The following ESR1 variants were observed in gnomAD, a reference collection of about 807,000 sequenced individuals.
The protein encoded by ESR1 is estrogen receptor 1.
ESR1 carries 12 observed loss-of-function variants against 52.7 expected under a neutral mutation model. That is an observed-to-expected ratio of 0.23 (90% confidence interval 0.15 to 0.37). ESR1 has a LOEUF of 0.37. Among genes scored for constraint, ESR1 ranks in the 10% least tolerant of loss-of-function variants. ESR1 has a pLI of 1.00. For missense variants in ESR1, 584 were observed against 779.7 expected (o/e 0.75, Z 2.99); for synonymous variants, 305 against 316.8 (o/e 0.96, Z 0.39).
chr6:151,677,178 A>C (rs190090876), intron 1 of ESR1, among the ~76,000 whole-genome samples: 1 of 152,170 alleles, frequency 6.6e-6, no homozygotes, highest in Non-Finnish European at 1.5e-5. Flanking sequence ...TAGAACATCA[A>C]ACTAAGACTC....
At chr6:152,050,569 A>G (rs1055523732) in intron 5 of ESR1, among the ~76,000 whole-genome samples, 17 of 152,280 alleles carry the variant, frequency 1.1e-4, no homozygotes, top group African/African-American at 3.1e-4. Context: ...TTTTTAGCCC[A>G]TTTGCCTTGA....
intron 2 of ESR1, among the ~76,000 whole-genome samples, chr6:151,756,804 A>G (rs1273429018): frequency 1.3e-5 from 2 of 152,118 alleles, no homozygotes; most frequent in Admixed American, 1.3e-4. Context: ...AGCCTGGGCA[A>G]CATGGTGAAA....
intron 6 of ESR1, among the ~76,000 whole-genome samples, chr6:152,071,141 A>G (rs1585103338): frequency 1.3e-5 from 2 of 152,340 alleles, no homozygotes; most frequent in South Asian, 4.1e-4. Flanking sequence ...GCAGCGACCC[A>G]GTGCTCATAT....
At chr6:151,756,642 C>T (rs1784310265) in intron 2 of ESR1, among the ~76,000 whole-genome samples, 1 of 152,200 alleles carries the variant, frequency 6.6e-6, no homozygotes, top group East Asian at 1.9e-4. Flanking sequence ...CCGGTAGGTA[C>T]TGTCAATTAT....
intron 2 of ESR1, among the ~76,000 whole-genome samples, chr6:151,792,232 A>G (rs1776232701): frequency 6.6e-6 from 1 of 152,234 alleles, no homozygotes; most frequent in Admixed American, 6.5e-5. Flanking sequence ...GGCACTTGCC[A>G]GAATGGAGCT....
chr6:151,828,925 C>G (rs1781942978), intron 1 of ESR1, among the ~76,000 whole-genome samples: 1 of 152,166 alleles, frequency 6.6e-6, no homozygotes, highest in South Asian at 2.1e-4. Context: ...ATAGGGTGCT[C>G]TTTGACCTCA....
intron 5 of ESR1, among the ~76,000 whole-genome samples, chr6:152,029,255 C>G (rs2044450004): frequency 6.6e-6 from 1 of 152,238 alleles, no homozygotes; most frequent in Admixed American, 6.5e-5. Context: ...CAAAGGAACG[C>G]AGCTCCTCAC....
Position 152,123,921 on chromosome 6 carries a change from G to A in ESR1, c.851-1345G>A, listed in dbSNP as rs184247334. Among the ~76,000 whole-genome samples the A allele has an allele frequency of 1.6e-4, 25 of 152,312 alleles. No homozygotes were observed. In the East Asian group the frequency reaches 4.4e-3, roughly 27 times the overall value. Reference sequence around the variant, plus strand: ...CTGAAGACAGACTACCCTAATATCGGTGGGGGATGCGGAGTGACACCTAAG... The same window carrying A: ...CTGAAGACAGACTACCCTAATATCGATGGGGGATGCGGAGTGACACCTAAG... On this transcript the variant is annotated intron_variant, in intron 6 of 6. Coordinates refer to the ESR1 transcript ENST00000427531.
At chr6:151,702,067 A>T (rs1318830342) in intron 2 of ESR1, 2 of 152,210 alleles carry the variant, frequency 1.3e-5, no homozygotes, top group African/African-American at 4.8e-5. Flanking sequence ...AATTGATAAG[A>T]TCTAATTTGG....
intron 2 of ESR1, among the ~76,000 whole-genome samples, chr6:151,712,003 C>T (rs1780650628): frequency 6.6e-6 from 1 of 152,052 alleles, no homozygotes; most frequent in African/African-American, 2.4e-5. Flanking sequence ...AGTTTTTAAT[C>T]TTGAGTTAAT....
intron 3 of ESR1, among the ~76,000 whole-genome samples, chr6:151,897,737 G>A (rs1562524465): frequency 6.6e-6 from 1 of 152,118 alleles, no homozygotes; most frequent in Non-Finnish European, 1.5e-5. Flanking sequence ...TTTGTTGCCT[G>A]TATACCTTGG....
chr6:152,077,917 C>T (rs1258839595), intron 6 of ESR1, among the ~76,000 whole-genome samples: 3 of 152,116 alleles, frequency 2.0e-5, no homozygotes, highest in Non-Finnish European at 4.4e-5. Flanking sequence ...AGACTTTGGA[C>T]TGTGGACTTT....
chr6:151,934,855 A>G lies in ESR1; in HGVS notation c.761-9318A>G, dbSNP rs114060096. On this transcript the variant is annotated intron_variant, in intron 3 of 7. Transcript: ENST00000206249. Reference sequence around the variant, plus strand: ...CAATTACAGAATCATGATCATATCCATAATGGATCAGTAGAGGCTCTGGCT... The same window carrying G: ...CAATTACAGAATCATGATCATATCCGTAATGGATCAGTAGAGGCTCTGGCT... 3.6e-3 allele frequency among the ~76,000 whole-genome samples: 545 copies of G among 152,364 alleles called. 4 individuals carry two copies. Among genetic ancestry groups the G allele is most frequent in the African/African-American group, 0.013 (520 of 41,592 alleles).
chr6:152,101,438 G>A lies in ESR1; in HGVS notation c.*2472G>A, dbSNP rs1345980612. On this transcript the variant is annotated 3_prime_UTR_variant, in exon 8 of 8. Transcript: ENST00000206249. ...CCAGCTAAAGCCAAACAATTATACA[G>A]TGGAAGGTTTTACATTATTCATCCA... The A allele has an allele frequency of 1.7e-5, 4 of 232,914 alleles. No individual in the cohort carries two copies. The highest frequency in any genetic ancestry group is 3.4e-5 in the Non-Finnish European group (4 of 117,788). 14.4% of individuals were successfully genotyped at this position (232,914 alleles called of 1,614,324 possible). A position where few individuals can be genotyped will look rare whatever the true frequency, so the allele number is the denominator to read the frequency against.
intron 5 of ESR1, among the ~76,000 whole-genome samples, chr6:152,048,317 C>T (rs971999323): frequency 6.8e-6 from 1 of 147,604 alleles, no homozygotes; most frequent in Non-Finnish European, 1.5e-5. Context: ...TGAGCTGGAT[C>T]GCACCTCTGC....
At chr6:151,816,873 C>G (rs756917672) in intron 1 of ESR1, among the ~76,000 whole-genome samples, 2 of 152,042 alleles carry the variant, frequency 1.3e-5, no homozygotes, top group Non-Finnish European at 2.9e-5. Flanking sequence ...GAGACCCTGT[C>G]TCTACAAAAA....
chr6:151,894,387 T>A (rs1037651983), intron 3 of ESR1, among the ~76,000 whole-genome samples: 6 of 152,248 alleles, frequency 3.9e-5, no homozygotes, highest in African/African-American at 1.4e-4. Context: ...AGCTCTTTAG[T>A]TTAACTAAGT....
At chr6:151,696,526 T>G (rs1779361254) in intron 1 of ESR1, among the ~76,000 whole-genome samples, 1 of 150,734 alleles carries the variant, frequency 6.6e-6, no homozygotes, top group Non-Finnish European at 1.5e-5. Flanking sequence ...AAATAAGTAG[T>G]GCCTCGGGTG....
chr6:151,728,998 T>C (rs1782046055), intron 2 of ESR1, among the ~76,000 whole-genome samples: 1 of 152,238 alleles, frequency 6.6e-6, no homozygotes, highest in South Asian at 2.1e-4. Context: ...TGAACACTTT[T>C]ATATTCCACA....
Sources: gnomAD v4.1 joint callset for allele counts (sites outside exome capture counted in the v4.1 genomes callset) on GRCh38, gnomAD v4.1.1 for gene constraint, MANE v1.5 for transcripts, NCBI Gene and HGNC (gene_info 2026-07-23, HGNC 2026-07-21) for gene names.